The following NXNL1 variants were observed in gnomAD, a reference collection of about 807,000 sequenced individuals.
NXNL1 encodes the protein nucleoredoxin-like protein 1.
Under a neutral mutation model 7.2 loss-of-function variants are expected in NXNL1, and 6 were observed. The ratio of observed to expected loss-of-function variants is 0.83; its 90% CI spans 0.46 to 1.64. The LOEUF is 1.64. NXNL1 is among the 40% of genes most tolerant of loss of function. The pLI is 0.01. For synonymous variants in NXNL1, 133 were observed against 127.2 expected (o/e 1.05, Z -0.31); for missense variants, 308 against 285.1 (o/e 1.08, Z -0.58).
chr19:17,457,570 G>A (rs1460415870), intron 1 of NXNL1, among the ~76,000 whole-genome samples: 2 of 151,752 alleles, frequency 1.3e-5, no homozygotes, highest in East Asian at 1.9e-4. Context: ...ATATGGTCTT[G>A]CTATGTTGCC....
chr19:17,457,094 T>TTAAAA (rs778917680), intron 1 of NXNL1, among the ~76,000 whole-genome samples: 1 of 142,284 alleles, frequency 7.0e-6, no homozygotes, highest in Non-Finnish European at 1.5e-5. Context: ...CTCCCTCTCT[T>TTAAAA]AAAAAAAAAA....
In NXNL1 at chr19:17,460,847, C is replaced by A; in HGVS notation, c.23G>T (p.Arg8Leu). The change falls in exon 1 of 2, where the codon CGC (arginine) becomes CTC (leucine). Residue 8 changes from arginine to leucine, a missense_variant. By Grantham distance (102) the Arg-to-Leu change is moderately radical. Transcript: ENST00000301944. ...GTCGCTATTGTTGCGGATCAGGATG[C>A]GGCCAGAGAACAGGGAGGCCATGGT... MASLFSGRILIRNNSDQD... is the reference protein window; with the variant it reads MASLFSGLILIRNNSDQD... The A allele has an allele frequency of 6.2e-7, 1 of 1,613,512 alleles. No individual in the cohort carries two copies. Among genetic ancestry groups the A allele is most frequent in the South Asian group, 1.1e-5 (1 of 91,086 alleles).
Position 17,460,725 on chromosome 19 carries a change from C to G in NXNL1, c.145G>C (p.Ala49Pro). Residue 49 changes from alanine to proline, a missense_variant, in exon 1 of 2, where the codon GCC becomes CCC. By Grantham distance (27) the Ala-to-Pro change is conservative. Transcript: ENST00000301944. ...AAGTCCTTGAGGATGGGCACGAAGG[C>G]CTGGCACTGTGGACAAGCCCCAGCA... ...FGAGACPQCQ[A>P]FVPILKDFFV... 1 of 1,613,754 alleles carries G rather than the reference C, an allele frequency of 6.2e-7. No individual in the cohort carries two copies. The highest frequency in any genetic ancestry group is 8.5e-7 in the Non-Finnish European group (1 of 1,180,032).
chr19:17,458,790 C>T (rs143814156), intron 1 of NXNL1, among the ~76,000 whole-genome samples: 24 of 151,650 alleles, frequency 1.6e-4, no homozygotes, highest in South Asian at 8.4e-4. Flanking sequence ...TTAGTAGAGA[C>T]GGGGTTTCAC....
intron 1 of NXNL1, among the ~76,000 whole-genome samples, chr19:17,457,545 T>A (rs1258072970): frequency 1.3e-5 from 2 of 151,918 alleles, no homozygotes; most frequent in African/African-American, 4.8e-5. Context: ...TTTTTTTTTT[T>A]AAGTTTTTGT....
intron 1 of NXNL1, among the ~76,000 whole-genome samples, chr19:17,458,410 C>T (rs1471185943): frequency 6.6e-6 from 1 of 150,882 alleles, no homozygotes; most frequent in African/African-American, 2.4e-5. Context: ...TTAGTAGAGA[C>T]GGGGTTTCAC....
chr19:17,460,096 T>C (rs572423632), intron 1 of NXNL1, among the ~76,000 whole-genome samples: 14 of 152,214 alleles, frequency 9.2e-5, no homozygotes, highest in African/African-American at 3.4e-4. Flanking sequence ...CTGCAGCATC[T>C]GCCTCCCAGT....
At chr19:17,458,837 C>T (rs533247440) in intron 1 of NXNL1, among the ~76,000 whole-genome samples, 7 of 151,812 alleles carry the variant, frequency 4.6e-5, no homozygotes, top group African/African-American at 1.2e-4. Context: ...CCTGACCTCA[C>T]GTGATCCACC....
chr19:17,455,668 G>GGGGCCC lies in NXNL1; in HGVS notation c.617_618insGGGCCC (p.Gly207_Ala208insProGly). 1.2e-5 allele frequency: 4 copies of GGGGCCC among 330,260 alleles called. No homozygotes were observed. The highest frequency in any genetic ancestry group is 1.9e-5 in the Non-Finnish European group (4 of 214,724). 20.5% of individuals were successfully genotyped at this position (330,260 alleles called of 1,614,324 possible). A position where few individuals can be genotyped will look rare whatever the true frequency, so the allele number is the denominator to read the frequency against. On this transcript the variant is annotated inframe_insertion, in exon 2 of 2. Coordinates refer to ENST00000301944, the MANE Select transcript of NXNL1 (RefSeq NM_138454.2). ...CGGGTCAGAACAGCCCCCCGGCCCCGCCCTCCTCCCCACCCCCTCCCCCGG... is the reference window on the plus strand; with the variant it reads ...CGGGTCAGAACAGCCCCCCGGCCCCGGGGCCCCCCTCCTCCCCACCCCCTCCCCCGG...
chr19:17,460,597 G>C lies in NXNL1; in HGVS notation c.273C>G (p.Leu91=), dbSNP rs138621059. The change falls in exon 1 of 2, where the codon CTC becomes CTG. Residue 91 remains leucine, a synonymous_variant. Coordinates refer to ENST00000301944, the MANE Select transcript of NXNL1 (RefSeq NM_138454.2). ...AAAGCCATTTCTTTGGCATGTCCTT[G>C]AGGAACAGGTCCTGCTGCTCCTCCG... The part of the protein sequence containing the change: ...DSTEEQQDLF[L]KDMPKKWLFL... 3.8e-3 allele frequency: 6,067 copies of C among 1,607,894 alleles called. 20 individuals are homozygous for C. The highest frequency in any genetic ancestry group is 4.5e-3 in the Non-Finnish European group (5,303 of 1,180,006).
intron 1 of NXNL1, 108 bp from the exon 2 acceptor site, chr19:17,456,067 C>T: frequency 6.6e-7 from 1 of 1,519,194 alleles, no homozygotes; most frequent in Non-Finnish European, 8.8e-7. Context: ...GTGTGCACTG[C>T]CTCTTGCCGG....
Position 17,455,672 on chromosome 19 carries a change from TCCTCC to T in NXNL1, c.609_613del (p.Glu204GlyfsTer11). The T allele has an allele frequency of 2.4e-6, 1 of 419,172 alleles. No individual in the cohort carries two copies. The highest frequency in any genetic ancestry group is 3.4e-6 in the Non-Finnish European group (1 of 297,114). 26.0% of individuals were successfully genotyped at this position (419,172 alleles called of 1,614,324 possible). ...TCAGAACAGCCCCCCGGCCCCGCCC[TCCTCC>T]CCACCCCCTCCCCCGGGGTCGCGCC... is the stretch of plus-strand genomic sequence containing the variant. On this transcript the variant is annotated frameshift_variant, in exon 2 of 2. Coordinates refer to ENST00000301944, the MANE Select transcript of NXNL1 (RefSeq NM_138454.2). LOFTEE classifies it high-confidence loss of function.
At chr19:17,457,971 A>G (rs1032384660) in intron 1 of NXNL1, among the ~76,000 whole-genome samples, 3 of 152,140 alleles carry the variant, frequency 2.0e-5, no homozygotes, top group Admixed American at 2.0e-4. Flanking sequence ...TGACATTGGG[A>G]AAATGTCATG....
chr19:17,455,674 CTCCCCA>C lies in NXNL1; in HGVS notation c.606_611del (p.Gly203_Glu204del). On this transcript the variant is annotated inframe_deletion, in exon 2 of 2. Coordinates refer to ENST00000301944, the MANE Select transcript of NXNL1 (RefSeq NM_138454.2). Reference sequence around the variant, plus strand: ...AGAACAGCCCCCCGGCCCCGCCCTCCTCCCCACCCCCTCCCCCGGGGTCGCGCCCGC... The same window carrying C: ...AGAACAGCCCCCCGGCCCCGCCCTCCCCCCCTCCCCCGGGGTCGCGCCCGC... The C allele has an allele frequency of 8.7e-7, 1 of 1,151,442 alleles. No individual in the cohort carries two copies. The highest frequency in any genetic ancestry group is 2.3e-5 in the Admixed American group (1 of 43,556). The allele number at this position is 1,151,442 out of a possible 1,614,324, so 71.3% of individuals were successfully genotyped here.
In NXNL1 at chr19:17,460,904, G is replaced by T; in HGVS notation, c.-35C>A. The T allele has an allele frequency of 1.2e-6, 2 of 1,600,572 alleles. No homozygotes were observed. The highest frequency in any genetic ancestry group is 1.1e-5 in the South Asian group (1 of 90,908). Reference sequence around the variant, plus strand: ...GGTTGGGTGCTGGGGACAGCGCGGCGTGTGGTCCCCGGTCTGCTGACTGGC... The same window carrying T: ...GGTTGGGTGCTGGGGACAGCGCGGCTTGTGGTCCCCGGTCTGCTGACTGGC... On this transcript the variant is annotated 5_prime_UTR_variant, in exon 1 of 2. Transcript: ENST00000301944.
intron 1 of NXNL1, among the ~76,000 whole-genome samples, chr19:17,460,214 T>C (rs1011751947): frequency 7.2e-5 from 11 of 152,122 alleles, no homozygotes; most frequent in African/African-American, 2.7e-4. Flanking sequence ...TTTCACTATG[T>C]TGACCAGGCT....
At position 17,460,226 on chromosome 19, in the gene NXNL1, G is replaced by A. The variant is rs189961920; in HGVS notation, c.326+318C>T. On this transcript the variant is annotated intron_variant, in intron 1 of 1. Transcript: ENST00000301944. Reference sequence around the variant, plus strand: ...GGGTTTCACTATGTTGACCAGGCTTGTCTCAAACTCCCGACCTCAGGTGAT... The same window carrying A: ...GGGTTTCACTATGTTGACCAGGCTTATCTCAAACTCCCGACCTCAGGTGAT... Among the ~76,000 whole-genome samples the A allele has an allele frequency of 5.3e-5, 8 of 152,276 alleles. No individual in the cohort carries two copies. In the East Asian group the frequency reaches 1.5e-3, roughly 29 times the overall value.
At position 17,455,820 on chromosome 19, in the gene NXNL1, C is replaced by A; in HGVS notation, c.466G>T (p.Ala156Ser). The A allele has an allele frequency of 6.3e-7, 1 of 1,576,638 alleles. No homozygotes were observed. The highest frequency in any genetic ancestry group is 8.6e-7 in the Non-Finnish European group (1 of 1,167,036). The change falls in exon 2 of 2, where the codon GCC becomes TCC. Residue 156 changes from alanine (A) to serine (S), a missense_variant. Physicochemically the swap from Ala to Ser is moderately conservative, Grantham distance 99. Coordinates refer to ENST00000301944, the MANE Select transcript of NXNL1 (RefSeq NM_138454.2). ...TGGAAGTTGCGGTCCAGCACCTCGG[C>A]CGCCTCCTGCCAGTTGGCGAAGCAG... ...TACFANWQEA[A>S]EVLDRNFQLP...
chr19:17,458,548 G>A (rs922562554), intron 1 of NXNL1, among the ~76,000 whole-genome samples: 3 of 143,362 alleles, frequency 2.1e-5, no homozygotes, highest in South Asian at 2.2e-4. Flanking sequence ...CTATAATACT[G>A]TTTCATTGGG....
Sources: gnomAD v4.1 joint callset for allele counts (sites outside exome capture counted in the v4.1 genomes callset) on GRCh38, gnomAD v4.1.1 for gene constraint, MANE v1.5 for transcripts, NCBI Gene and HGNC (gene_info 2026-07-23, HGNC 2026-07-21) for gene names.